Variants in CCNJL observed in about 807,000 individuals in gnomAD.
The protein encoded by CCNJL is cyclin J like, also known as cyclin-J-like protein.
Under a neutral mutation model 33.4 loss-of-function variants are expected in CCNJL, and 33 were observed. The ratio of observed to expected loss-of-function variants is 0.99; its 90% CI spans 0.75 to 1.32. The LOEUF is 1.32. Ranked by LOEUF, CCNJL falls within the 40% of genes most tolerant of loss-of-function variation. The pLI is 0.00. For missense variants in CCNJL, 512 were observed against 499.7 expected (o/e 1.02, Z -0.23); for synonymous variants, 227 against 220.9 (o/e 1.03, Z -0.24).
At chr5:160,259,798 TTACTGGAAG>T in intron 3 of CCNJL, 27 bp from the exon 4 acceptor site, 1 of 1,573,768 alleles carries the variant, frequency 6.4e-7, no homozygotes, top group Non-Finnish European at 8.6e-7. Context: ...GAAGCAGGGG[TTACTGGAAG>T]ACATTTACCT....
chr5:160,335,441 T>G (rs1249614477), intron 1 of CCNJL, among the ~76,000 whole-genome samples: 1 of 152,198 alleles, frequency 6.6e-6, no homozygotes, highest in East Asian at 1.9e-4. Context: ...CTATTGTCTC[T>G]TGCCTGGGCA....
intron 1 of CCNJL, among the ~76,000 whole-genome samples, chr5:160,319,107 TTC>T (rs1371238919): frequency 6.6e-6 from 1 of 152,218 alleles, no homozygotes; most frequent in African/African-American, 2.4e-5. Context: ...TCCAAAGATA[TTC>T]TCTCTTTCTC....
chr5:160,311,414 G>C (rs1763256635), intron 2 of CCNJL, among the ~76,000 whole-genome samples: 1 of 152,024 alleles, frequency 6.6e-6, no homozygotes, highest in Non-Finnish European at 1.5e-5. Context: ...ACTTAAATTT[G>C]TTTTAAAATA....
chr5:160,318,272 C>T (rs1223869282), intron 1 of CCNJL, among the ~76,000 whole-genome samples: 1 of 152,208 alleles, frequency 6.6e-6, no homozygotes, highest in African/African-American at 2.4e-5. Context: ...CCACCTTGGC[C>T]TCCCAAAGTG....
At chr5:160,258,551 G>C in intron 4 of CCNJL, 1 of 1,521,432 alleles carries the variant, frequency 6.6e-7, no homozygotes, top group Non-Finnish European at 9.1e-7. Flanking sequence ...GAGGTTATTC[G>C]GGAAAGAAAA....
chr5:160,267,626 G>A (rs1178579450), intron 3 of CCNJL, among the ~76,000 whole-genome samples: 1 of 152,134 alleles, frequency 6.6e-6, no homozygotes, highest in African/African-American at 2.4e-5. Context: ...GTATCTATCT[G>A]GGTGGAGGAA....
At chr5:160,281,920 C>A (rs183898040) in intron 2 of CCNJL, among the ~76,000 whole-genome samples, 10 of 152,126 alleles carry the variant, frequency 6.6e-5, no homozygotes, top group Admixed American at 4.6e-4. Context: ...CCTCCTAAAG[C>A]GCTGGGATTA....
intron 4 of CCNJL, among the ~76,000 whole-genome samples, chr5:160,258,962 G>A (rs889801709): frequency 1.3e-5 from 2 of 152,128 alleles, no homozygotes; most frequent in East Asian, 1.9e-4. Context: ...CCCATTACAG[G>A]TGTGAGCTAC....
In CCNJL at chr5:160,255,643, A is replaced by T. The variant is rs373094301; in HGVS notation, c.649T>A (p.Cys217Ser). The T allele has an allele frequency of 2.0e-5, 32 of 1,614,046 alleles. No individual in the cohort carries two copies. The African/African-American group carries it at 3.5e-4, about 17-fold the overall frequency. Reference sequence around the variant, plus strand: ...GTCCAGTAGGGAGAAAGCTGCAGGCAAATCCTGGAGGCCCCAACACAGGCC... The same window carrying T: ...GTCCAGTAGGGAGAAAGCTGCAGGCTAATCCTGGAGGCCCCAACACAGGCC... ...AAACVGASRI[C>S]LQLSPYWTRD... Residue 217 changes from cysteine (C) to serine (S), a missense_variant, in exon 5 of 6, where the codon TGC (cysteine) becomes AGC (serine). By Grantham distance (112) the Cys-to-Ser change is moderately radical. Transcript: ENST00000257536.
At chr5:160,321,913 CT>C (rs1292777197) in intron 1 of CCNJL, among the ~76,000 whole-genome samples, 1 of 152,194 alleles carries the variant, frequency 6.6e-6, no homozygotes, top group African/African-American at 2.4e-5. Flanking sequence ...ACCCTGCCCC[CT>C]ACCAGCAGGT....
intron 2 of CCNJL, among the ~76,000 whole-genome samples, chr5:160,305,614 C>T (rs1363162766): frequency 6.6e-6 from 1 of 152,230 alleles, no homozygotes; most frequent in African/African-American, 2.4e-5. Context: ...CCTATAGTGT[C>T]ATGGATGACA....
chr5:160,255,642 C>T lies in CCNJL; in HGVS notation c.650G>A (p.Cys217Tyr). ...AAACVGASRI[C>Y]LQLSPYWTRD... ...GGTCCAGTAGGGAGAAAGCTGCAGG[C>T]AAATCCTGGAGGCCCCAACACAGGC... The change falls in exon 5 of 6, where the codon TGC (cysteine) becomes TAC (tyrosine). Residue 217 changes from cysteine (C) to tyrosine (Y), a missense_variant. By Grantham distance (194) the Cys-to-Tyr change is radical. Transcript: ENST00000257536. The T allele has an allele frequency of 3.1e-6, 5 of 1,614,090 alleles. No homozygotes were observed. Among genetic ancestry groups the T allele is most frequent in the Non-Finnish European group, 4.2e-6 (5 of 1,179,962 alleles).
chr5:160,328,715 CAA>C (rs535753887), intron 1 of CCNJL, among the ~76,000 whole-genome samples: 11 of 127,566 alleles, frequency 8.6e-5, no homozygotes, highest in African/African-American at 1.2e-4. Flanking sequence ...ATTAAAAATA[CAA>C]AAAAAAAAAA....
At chr5:160,271,373 T>C (rs1447738990) in intron 3 of CCNJL, among the ~76,000 whole-genome samples, 1 of 151,526 alleles carries the variant, frequency 6.6e-6, no homozygotes, top group Non-Finnish European at 1.5e-5. Flanking sequence ...AAAATTAAAA[T>C]AAAAAAAAGC....
chr5:160,260,746 G>C (rs565317728), intron 3 of CCNJL, among the ~76,000 whole-genome samples: 1 of 152,106 alleles, frequency 6.6e-6, no homozygotes, highest in Non-Finnish European at 1.5e-5. Flanking sequence ...GGCAGTTCTT[G>C]CCTATAAGCC....
intron 1 of CCNJL, among the ~76,000 whole-genome samples, chr5:160,320,850 C>CTTTCCTTCTTTCT (rs1491096774): frequency 2.5e-4 from 14 of 55,582 alleles, no homozygotes; most frequent in South Asian, 1.8e-3. Context: ...TCTTTCTTTC[C>CTTTCCTTCTTTCT]TTCTTTCTTT....
chr5:160,287,295 G>C (rs145865617), intron 2 of CCNJL, among the ~76,000 whole-genome samples: 10 of 152,246 alleles, frequency 6.6e-5, no homozygotes, highest in African/African-American at 2.4e-4. Context: ...TCTGTCAAAG[G>C]CTCTTTGGGC....
intron 1 of CCNJL, among the ~76,000 whole-genome samples, chr5:160,338,168 G>A (rs538168773): frequency 5.3e-5 from 8 of 152,344 alleles, no homozygotes; most frequent in African/African-American, 1.4e-4. Context: ...AGGCCAAGGC[G>A]GGTGGGTCAT....
chr5:160,311,700 C>G (rs754626137), intron 2 of CCNJL, among the ~76,000 whole-genome samples, 158 bp downstream of exon 2: 76 of 152,148 alleles, frequency 5.0e-4, no homozygotes, highest in Non-Finnish European at 1.3e-4. Flanking sequence ...CCCCGCCCCC[C>G]AATTCCGCTC....
Sources: allele counts gnomAD v4.1 joint callset (sites outside exome capture counted in the v4.1 genomes callset), GRCh38; gene constraint gnomAD v4.1.1; transcripts MANE v1.5; gene names NCBI Gene and HGNC (gene_info 2026-07-23, HGNC 2026-07-21).